The following AK5 variants were observed in gnomAD, a reference collection of about 807,000 sequenced individuals.
The protein encoded by AK5 is adenylate kinase isoenzyme 5.
AK5 carries 27 observed loss-of-function variants against 69.5 expected under a neutral mutation model. That is an observed-to-expected ratio of 0.39 (90% CI 0.29 to 0.54). AK5 has a LOEUF of 0.54. Ranked by LOEUF, AK5 falls within the 20% of genes least tolerant of loss-of-function variation. The pLI is 0.71. For synonymous variants in AK5, 260 were observed against 244.4 expected, an observed-to-expected ratio of 1.06 and a Z score of -0.60; for missense variants, 531 against 700.4, an observed-to-expected ratio of 0.76 and a Z score of 2.73.
intron 13 of AK5, among the ~76,000 whole-genome samples, chr1:77,538,154 C>T (rs1214440845): frequency 6.6e-6 from 1 of 152,104 alleles, no homozygotes; most frequent in Non-Finnish European, 1.5e-5. Flanking sequence ...GCCTAGGCAA[C>T]ATTTCGAGAC....
chr1:77,393,605 A>T lies in AK5; in HGVS notation c.892-17376A>T, dbSNP rs190428293. On this transcript the variant is annotated intron_variant, in intron 6 of 13. Transcript: ENST00000354567. ...CAGAAAACGTGATTCTACATAGACA[A>T]CCACTTGCCACTTCCCAGTGTGGTA... Among the ~76,000 whole-genome samples the T allele has an allele frequency of 2.7e-3, 415 of 152,314 alleles. 1 individual carries two copies. Among genetic ancestry groups the T allele is most frequent in the South Asian group, 0.02 (97 of 4,828 alleles).
rs1315026763 is a variant in AK5 at position 77,282,085 on chromosome 1, C to CG, written c.-224dup. 2 of 399,374 alleles carry CG rather than the reference C, an allele frequency of 5.0e-6. No individual in the cohort carries two copies. Among genetic ancestry groups the CG allele is most frequent in the African/African-American group, 4.2e-5 (2 of 47,800 alleles). 24.7% of individuals were successfully genotyped at this position (399,374 alleles called of 1,614,324 possible). ...CTGCTCGGCGCCTGCAGCTCCGGCT[C>CG]GGGGGCTGGAACCGAAGCGGGGGCG... On this transcript the variant is annotated 5_prime_UTR_variant, in exon 1 of 14. Transcript: ENST00000354567.
chr1:77,522,651 C>T (rs577599014), intron 12 of AK5, among the ~76,000 whole-genome samples: 11 of 152,198 alleles, frequency 7.2e-5, no homozygotes, highest in Admixed American at 4.6e-4. Context: ...GGGATACTCA[C>T]AGGGGAGCAG....
chr1:77,376,433 CAAAAA>C (rs757594684), intron 6 of AK5, among the ~76,000 whole-genome samples: 13 of 13,434 alleles, frequency 9.7e-4, no homozygotes, highest in Non-Finnish European at 1.6e-3. Flanking sequence ...CACTCAATGC[CAAAAA>C]AAAAAAAAAA....
At chr1:77,441,400 C>T (rs1652318494) in intron 8 of AK5, among the ~76,000 whole-genome samples, 1 of 152,086 alleles carries the variant, frequency 6.6e-6, no homozygotes, top group African/African-American at 2.4e-5. Context: ...CATGTCTGTG[C>T]ATTTAGTGGA....
At chr1:77,337,819 A>G (rs1661440578) in intron 5 of AK5, among the ~76,000 whole-genome samples, 1 of 152,234 alleles carries the variant, frequency 6.6e-6, no homozygotes. Flanking sequence ...AGGACAAACA[A>G]CGAATAGAAG....
intron 5 of AK5, among the ~76,000 whole-genome samples, chr1:77,320,337 A>G (rs1464024522): frequency 6.6e-6 from 1 of 152,248 alleles, no homozygotes; most frequent in Non-Finnish European, 1.5e-5. Context: ...AAGGATTTCT[A>G]CCATAACGGA....
intron 8 of AK5, chr1:77,417,986 C>G (rs12131772): frequency 0.13 from 41,039 of 314,130 alleles, 2,911 homozygotes; most frequent in Middle Eastern, 0.18. Flanking sequence ...GGTTCTCTTG[C>G]CCAAGAATTT....
chr1:77,291,495 C>G (rs1054462689), intron 2 of AK5, among the ~76,000 whole-genome samples: 3 of 152,050 alleles, frequency 2.0e-5, no homozygotes, highest in African/African-American at 7.2e-5. Context: ...CTCTTACCAA[C>G]CCTCCCCTGC....
At chr1:77,330,937 A>T (rs1247145014) in intron 5 of AK5, among the ~76,000 whole-genome samples, 1 of 152,146 alleles carries the variant, frequency 6.6e-6, no homozygotes, top group Non-Finnish European at 1.5e-5. Context: ...CCCCCTAGGT[A>T]ATTAAATGAC....
rs564794872 is a variant in AK5 at position 77,388,625 on chromosome 1, T to C, written c.892-22356T>C. 2.0e-5 allele frequency among the ~76,000 whole-genome samples: 3 copies of C among 152,146 alleles called. No individual in the cohort carries two copies. The East Asian group carries it at 5.8e-4, about 29-fold the overall frequency. On this transcript the variant is annotated intron_variant, in intron 6 of 13. Coordinates refer to ENST00000354567, the MANE Select transcript of AK5 (RefSeq NM_174858.3). ...AGCATTCCTCATGTATGGGAAACTATGATAATTCAGAATGAAAAACGTGGG... is the reference window on the plus strand; with the variant it reads ...AGCATTCCTCATGTATGGGAAACTACGATAATTCAGAATGAAAAACGTGGG...
intron 5 of AK5, among the ~76,000 whole-genome samples, chr1:77,337,134 T>G (rs1295079966): frequency 1.3e-5 from 2 of 152,120 alleles, no homozygotes; most frequent in East Asian, 3.8e-4. Flanking sequence ...ATAAACAAAA[T>G]GCAATTTTAT....
At chr1:77,368,238 TATATATA>T (rs1647040750) in intron 6 of AK5, among the ~76,000 whole-genome samples, 1 of 1,914 alleles carries the variant, frequency 5.2e-4, no homozygotes, top group Non-Finnish European at 3.7e-3. Flanking sequence ...TATATATATA[TATATATA>T]TATATATAAT....
At chr1:77,339,603 A>G (rs903559911) in intron 5 of AK5, among the ~76,000 whole-genome samples, 6 of 151,790 alleles carry the variant, frequency 4.0e-5, no homozygotes, top group African/African-American at 1.2e-4. Flanking sequence ...TGAAATGGAG[A>G]TAACATTTAC....
At chr1:77,406,568 C>T (rs1649664039) in intron 6 of AK5, among the ~76,000 whole-genome samples, 1 of 152,156 alleles carries the variant, frequency 6.6e-6, no homozygotes, top group African/African-American at 2.4e-5. Context: ...GCTGTGTCAA[C>T]ACTTACTGGA....
intron 5 of AK5, among the ~76,000 whole-genome samples, chr1:77,324,990 T>TTTTTTTTTTTTTTA (rs1557496814): frequency 6.6e-6 from 1 of 150,888 alleles, no homozygotes; most frequent in African/African-American, 2.4e-5. Context: ...CTTTTTTTTT[T>TTTTTTTTTTTTTTA]GAGACGGAGG....
chr1:77,402,467 C>G (rs1172883194), intron 6 of AK5, among the ~76,000 whole-genome samples: 1 of 137,336 alleles, frequency 7.3e-6, no homozygotes, highest in Non-Finnish European at 1.6e-5. Flanking sequence ...CACAACAGTC[C>G]CCGGTGTGTG....
At chr1:77,455,744 C>T (rs908660115) in intron 8 of AK5, among the ~76,000 whole-genome samples, 1 of 152,140 alleles carries the variant, frequency 6.6e-6, no homozygotes, top group African/African-American at 2.4e-5. Flanking sequence ...TTAGAATCAC[C>T]GGGTGAGCTG....
intron 6 of AK5, among the ~76,000 whole-genome samples, chr1:77,368,230 TATATATA>T (rs1647037686): frequency 7.6e-5 from 2 of 26,474 alleles, no homozygotes; most frequent in Admixed American, 5.7e-4. Flanking sequence ...TATATATATA[TATATATA>T]TATATATATA....
Sources: allele counts gnomAD v4.1 joint callset (sites outside exome capture counted in the v4.1 genomes callset), GRCh38; gene constraint gnomAD v4.1.1; transcripts MANE v1.5; gene names NCBI Gene and HGNC (gene_info 2026-07-23, HGNC 2026-07-21).